DGKB: variants seen among roughly 807,000 people sequenced by gnomAD.
The protein encoded by DGKB is diacylglycerol kinase beta.
DGKB carries 67 observed loss-of-function variants against 114.3 expected under a neutral mutation model. The ratio of observed to expected loss-of-function variants is 0.59; its 90% CI spans 0.48 to 0.72. The LOEUF (loss-of-function observed/expected upper bound fraction) is 0.72, where lower values mean the gene tolerates loss of function less well. Ranked by LOEUF, DGKB falls within the 30% of genes least tolerant of loss-of-function variation. The pLI is 0.00. For missense variants in DGKB, 907 were observed against 975.2 expected, an observed-to-expected ratio of 0.93 and a Z score of 0.93; for synonymous variants, 398 against 323.1, an observed-to-expected ratio of 1.23 and a Z score of -2.49.
intron 1 of DGKB, among the ~76,000 whole-genome samples, chr7:14,880,317 G>A (rs1406064456): frequency 6.6e-6 from 1 of 152,136 alleles, no homozygotes; most frequent in Non-Finnish European, 1.5e-5. Context: ...AATTAGCCAG[G>A]TATGGTGGCA....
chr7:14,670,423 C>A (rs2128943420), intron 13 of DGKB, among the ~76,000 whole-genome samples: 1 of 152,062 alleles, frequency 6.6e-6, no homozygotes, highest in Middle Eastern at 3.4e-3. Flanking sequence ...CTGCCTCAGC[C>A]TCCTCAGTAG....
chr7:14,430,080 T>TA (rs1583879525), intron 21 of DGKB, among the ~76,000 whole-genome samples: 1 of 152,202 alleles, frequency 6.6e-6, no homozygotes, highest in Non-Finnish European at 1.5e-5. Context: ...TCACAGGAAA[T>TA]ATGTTTGACT....
At chr7:14,820,984 T>C (rs1844850905) in intron 2 of DGKB, among the ~76,000 whole-genome samples, 1 of 152,104 alleles carries the variant, frequency 6.6e-6, no homozygotes, top group Non-Finnish European at 1.5e-5. Context: ...ATATACTGAA[T>C]TGTCTGTCCT....
rs537735401 is a variant in DGKB, at chr7:14,285,384, G to T, written c.2122+53131C>A. 2.6e-4 allele frequency among the ~76,000 whole-genome samples: 40 copies of T among 152,324 alleles called. 3 individuals are homozygous for T. The South Asian group carries it at 8.3e-3, about 32-fold the overall frequency. On this transcript the variant is annotated intron_variant, in intron 23 of 25. Coordinates refer to ENST00000402815, the MANE Select transcript of DGKB (RefSeq NM_001350709.2). ...GCAAAGAGGTGGGAGGATGTAGTAA[G>T]TAAATGTCTCATACAGAAATGCCCT...
At chr7:14,735,971 TATG>T in intron 5 of DGKB, 67 bp downstream of exon 5, 1 of 928,966 alleles carries the variant, frequency 1.1e-6, no homozygotes, top group Non-Finnish European at 1.5e-6. Context: ...ATTCATCTTT[TATG>T]ATAACTAGAT....
intron 2 of DGKB, among the ~76,000 whole-genome samples, chr7:14,814,523 A>G (rs1247663358): frequency 6.6e-6 from 1 of 152,162 alleles, no homozygotes; most frequent in Non-Finnish European, 1.5e-5. Context: ...AATTTTTTAA[A>G]TTAATTTTTT....
chr7:14,743,057 T>A (rs901688295), intron 4 of DGKB, among the ~76,000 whole-genome samples: 1 of 152,192 alleles, frequency 6.6e-6, no homozygotes, highest in Non-Finnish European at 1.5e-5. Context: ...AAGGTTTTCT[T>A]AAGGTACTAA....
chr7:14,281,213 A>C (rs1244513312), intron 23 of DGKB, among the ~76,000 whole-genome samples: 5 of 151,910 alleles, frequency 3.3e-5, no homozygotes, highest in African/African-American at 1.2e-4. Context: ...TTGCAATCCT[A>C]GTCTCTGATA....
At chr7:14,599,634 G>GT (rs1294599446) in intron 17 of DGKB, among the ~76,000 whole-genome samples, 2 of 152,086 alleles carry the variant, frequency 1.3e-5, no homozygotes, top group African/African-American at 4.8e-5. Flanking sequence ...TATTTCACCT[G>GT]TTTATTAGTT....
At chr7:14,906,681 G>A (rs1405375550), upstream of DGKB, among the ~76,000 whole-genome samples, 1 of 151,990 alleles carries the variant, frequency 6.6e-6, no homozygotes, top group Non-Finnish European at 1.5e-5. Context: ...TCGAACTCCT[G>A]ACCTCGTGAT....
intron 2 of DGKB, among the ~76,000 whole-genome samples, chr7:14,786,157 C>CAA (rs1839866830): frequency 6.6e-6 from 1 of 151,078 alleles, no homozygotes; most frequent in Admixed American, 6.6e-5. Context: ...CACACACACA[C>CAA]ACACACGCAC....
chr7:14,730,525 A>G (rs2128386339), intron 5 of DGKB, among the ~76,000 whole-genome samples: 1 of 152,334 alleles, frequency 6.6e-6, no homozygotes, highest in Non-Finnish European at 1.5e-5. Flanking sequence ...AAGAAAACTC[A>G]GTCCTGAGTG....
intron 20 of DGKB, among the ~76,000 whole-genome samples, chr7:14,517,222 A>G (rs968078829): frequency 2.6e-5 from 4 of 152,170 alleles, no homozygotes; most frequent in African/African-American, 9.6e-5. Flanking sequence ...TTCCCCATTC[A>G]ATAAATGGTG....
At chr7:14,326,358 A>G (rs565587831) in intron 23 of DGKB, among the ~76,000 whole-genome samples, 32 of 152,208 alleles carry the variant, frequency 2.1e-4, no homozygotes, top group Non-Finnish European at 1.3e-4. Flanking sequence ...TTGAAAACCA[A>G]AAAAATGAAA....
chr7:14,418,109 C>A (rs1825988237), intron 21 of DGKB, among the ~76,000 whole-genome samples: 1 of 139,388 alleles, frequency 7.2e-6, no homozygotes, highest in African/African-American at 2.6e-5. Flanking sequence ...TATAATGCTT[C>A]TAGAGTTAGA....
At chr7:14,966,250 A>G (rs1161523424) in intron 1 of DGKB, among the ~76,000 whole-genome samples, 2 of 152,110 alleles carry the variant, frequency 1.3e-5, no homozygotes, top group Non-Finnish European at 2.9e-5. Flanking sequence ...TAGTACACTG[A>G]TGAACCCAGT....
chr7:14,632,190 G>A (rs189398015), intron 13 of DGKB, among the ~76,000 whole-genome samples: 1 of 151,984 alleles, frequency 6.6e-6, no homozygotes, highest in African/African-American at 2.4e-5. Context: ...GCAACAGAAG[G>A]CATTTTGGGG....
intron 23 of DGKB, among the ~76,000 whole-genome samples, chr7:14,280,697 GC>G (rs1453238199): frequency 6.7e-6 from 1 of 150,052 alleles, no homozygotes; most frequent in Admixed American, 6.6e-5. Context: ...GAGAGTGGGG[GC>G]CAATATTCAA....
At chr7:14,811,883 G>A (rs761259273) in intron 2 of DGKB, among the ~76,000 whole-genome samples, 2 of 138,544 alleles carry the variant, frequency 1.4e-5, no homozygotes, top group Non-Finnish European at 3.0e-5. Context: ...TCAGCACTAT[G>A]TATCTTTAGA....
Sources: gnomAD v4.1 joint callset for allele counts (sites outside exome capture counted in the v4.1 genomes callset) on GRCh38, gnomAD v4.1.1 for gene constraint, MANE v1.5 for transcripts, NCBI Gene and HGNC (gene_info 2026-07-23, HGNC 2026-07-21) for gene names.